The following P2RY6 variants were observed in gnomAD, a reference collection of about 807,000 sequenced individuals.
P2RY6 encodes pyrimidinergic receptor P2Y6.
Under a neutral mutation model 16.3 loss-of-function variants are expected in P2RY6, and 19 were observed. The observed-to-expected ratio is 1.16, with a 90% CI of 0.81 to 1.71. The LOEUF is 1.71. Ranked by LOEUF, P2RY6 falls within the 40% of genes most tolerant of loss-of-function variation. The probability of loss-of-function intolerance (pLI) is 0.00; values close to 1 mark genes in which losing one functional copy is unlikely to be tolerated. For missense variants in P2RY6, 389 were observed against 455.5 expected (o/e 0.85, Z 1.33); for synonymous variants, 184 against 201.5 (o/e 0.91, Z 0.74).
chr11:73,275,789 G>A (rs1863512329), intron 1 of P2RY6, among the ~76,000 whole-genome samples: 1 of 152,166 alleles, frequency 6.6e-6, no homozygotes, highest in Non-Finnish European at 1.5e-5. Context: ...CTCCCAGGCT[G>A]GAAATCTCCC....
At chr11:73,283,668 T>G (rs1863851857) in intron 1 of P2RY6, among the ~76,000 whole-genome samples, 1 of 152,230 alleles carries the variant, frequency 6.6e-6, no homozygotes, top group African/African-American at 2.4e-5. Flanking sequence ...GAGTGCCCAC[T>G]GCTCTTCCCG....
At chr11:73,290,573 G>C (rs58995758) in intron 1 of P2RY6, among the ~76,000 whole-genome samples, 1 of 152,230 alleles carries the variant, frequency 6.6e-6, no homozygotes, top group African/African-American at 2.4e-5. Flanking sequence ...TCTGGCTTCT[G>C]TATTTATTTA....
chr11:73,280,507 A>G (rs1398368975), intron 1 of P2RY6, among the ~76,000 whole-genome samples: 1 of 151,850 alleles, frequency 6.6e-6, no homozygotes, highest in Non-Finnish European at 1.5e-5. Context: ...TTTCACTGCC[A>G]CCTCCTCACC....
chr11:73,290,281 G>A (rs868499936), intron 1 of P2RY6, among the ~76,000 whole-genome samples: 1 of 131,078 alleles, frequency 7.6e-6, no homozygotes, highest in Non-Finnish European at 1.6e-5. Context: ...AAGAAAGGAA[G>A]GAAAGAAAGA....
chr11:73,290,011 C>G (rs1864135721), intron 1 of P2RY6, among the ~76,000 whole-genome samples: 1 of 152,070 alleles, frequency 6.6e-6, no homozygotes, highest in African/African-American at 2.4e-5. Flanking sequence ...CACCTGAGGT[C>G]GGGAGTTAGA....
In P2RY6 at chr11:73,297,266, A is replaced by C. The variant is rs1864543704; in HGVS notation, c.748A>C (p.Ile250Leu). The C allele has an allele frequency of 6.2e-7, 1 of 1,606,860 alleles. No individual in the cohort carries two copies. Among genetic ancestry groups the C allele is most frequent in the Non-Finnish European group, 8.5e-7 (1 of 1,179,546 alleles). The change falls in exon 3 of 3, where the codon ATC (isoleucine) becomes CTC (leucine). Residue 250 changes from isoleucine to leucine, a missense_variant. Transcript: ENST00000540124. ...CGTGGTGGTGGCTGCTGCCTTTGCC[A>C]TCAGCTTCCTGCCTTTTCACATCAC... Reference protein sequence around the residue: ...MAVVVAAAFAISFLPFHITKT... With the variant: ...MAVVVAAAFALSFLPFHITKT...
chr11:73,291,466 G>C (rs943213767), intron 1 of P2RY6, among the ~76,000 whole-genome samples: 2 of 152,212 alleles, frequency 1.3e-5, no homozygotes, highest in African/African-American at 4.8e-5. Flanking sequence ...CCACAGCACA[G>C]GTCAAATCCA....
At chr11:73,266,035 T>C (rs1319723620) in intron 1 of P2RY6, among the ~76,000 whole-genome samples, 1 of 152,184 alleles carries the variant, frequency 6.6e-6, no homozygotes, top group Non-Finnish European at 1.5e-5. Context: ...AAAACTATGA[T>C]GATAGTAATG....
At position 73,281,199 on chromosome 11, in the gene P2RY6, A is replaced by G. The variant is rs527261612; in HGVS notation, c.-121+8733A>G. Among the ~76,000 whole-genome samples the G allele has an allele frequency of 4.6e-5, 7 of 152,304 alleles. 2 individuals carry two copies. The highest frequency in any genetic ancestry group is 1.7e-4 in the African/African-American group (7 of 41,562). ...TTGGCACTGACCACTCTAAATGGCC[A>G]GTAACTATGTCTGCTATATCAGCTC... On this transcript the variant is annotated intron_variant, in intron 1 of 2. Transcript: ENST00000540124.
chr11:73,274,331 C>A (rs756416853), intron 1 of P2RY6, among the ~76,000 whole-genome samples: 1 of 151,948 alleles, frequency 6.6e-6, no homozygotes, highest in African/African-American at 2.4e-5. Context: ...TAAATCATTC[C>A]GTCAAAATTG....
intron 1 of P2RY6, among the ~76,000 whole-genome samples, chr11:73,289,608 C>T (rs958149798): frequency 1.3e-5 from 2 of 152,266 alleles, no homozygotes; most frequent in African/African-American, 2.4e-5. Flanking sequence ...CTCACCCCTC[C>T]CTGGCTGTGT....
chr11:73,286,728 C>G (rs891432009), intron 1 of P2RY6, among the ~76,000 whole-genome samples: 4 of 152,126 alleles, frequency 2.6e-5, no homozygotes, highest in African/African-American at 4.8e-5. Flanking sequence ...CAGACCTTGT[C>G]CCCTGTTCCT....
intron 1 of P2RY6, among the ~76,000 whole-genome samples, chr11:73,294,847 T>C (rs1346816105): frequency 6.6e-6 from 1 of 152,116 alleles, no homozygotes; most frequent in East Asian, 1.9e-4. Context: ...AGGTACTATC[T>C]CATCTCATTT....
At chr11:73,275,082 G>A (rs895644090) in intron 1 of P2RY6, among the ~76,000 whole-genome samples, 6 of 152,220 alleles carry the variant, frequency 3.9e-5, no homozygotes, top group East Asian at 1.9e-4. Context: ...TTTGGTCTAC[G>A]GAGATGGCGT....
intron 1 of P2RY6, among the ~76,000 whole-genome samples, chr11:73,280,256 C>A (rs187251996): frequency 6.6e-6 from 1 of 152,330 alleles, no homozygotes; most frequent in African/African-American, 2.4e-5. Flanking sequence ...ATCTTTGTGG[C>A]TTGGTTTCCC....
chr11:73,291,024 G>C (rs912609135), intron 1 of P2RY6, among the ~76,000 whole-genome samples: 7 of 152,228 alleles, frequency 4.6e-5, no homozygotes, highest in African/African-American at 1.7e-4. Flanking sequence ...GAGGTGCCAG[G>C]CCAGGCCTCT....
upstream of P2RY6, among the ~76,000 whole-genome samples, chr11:73,271,297 G>A (rs976016731): frequency 1.3e-5 from 2 of 152,156 alleles, no homozygotes; most frequent in South Asian, 4.1e-4. Context: ...CTCCATCTTC[G>A]GTGCTGTAGC....
intron 1 of P2RY6, among the ~76,000 whole-genome samples, chr11:73,289,235 G>A (rs929092384): frequency 1.3e-5 from 2 of 152,226 alleles, no homozygotes; most frequent in African/African-American, 2.4e-5. Flanking sequence ...CATGGTTGTC[G>A]CCTGAACTGA....
At position 73,297,739 on chromosome 11, in the gene P2RY6, C is replaced by T. The variant is rs932974632; in HGVS notation, c.*234C>T. 9 of 574,124 alleles carry T rather than the reference C, an allele frequency of 1.6e-5. No homozygotes were observed. The highest frequency in any genetic ancestry group is 1.3e-4 in the African/African-American group (7 of 53,234). The allele number at this position is 574,124 out of a possible 1,614,324, so 35.6% of individuals were successfully genotyped here. A position where few individuals can be genotyped will look rare whatever the true frequency, so the allele number is the denominator to read the frequency against. On this transcript the variant is annotated 3_prime_UTR_variant, in exon 3 of 3. Coordinates refer to ENST00000540124, the MANE Select transcript of P2RY6 (RefSeq NM_001277204.2). ...GGCCTGGCTCTTGAGAGGTCCCAGT[C>T]AGCCATGGAGAGCTGGGGAAACCAC...
Sources: allele counts gnomAD v4.1 joint callset (sites outside exome capture counted in the v4.1 genomes callset), GRCh38; gene constraint gnomAD v4.1.1; transcripts MANE v1.5; gene names NCBI Gene and HGNC (gene_info 2026-07-23, HGNC 2026-07-21).